RBFOX3: variants seen among roughly 807,000 people sequenced by gnomAD.
The protein encoded by RBFOX3 is RNA binding fox-1 homolog 3.
A neutral mutation model predicts 48.7 loss-of-function variants in RBFOX3; 17 were observed. The ratio of observed to expected loss-of-function variants is 0.35; its 90% CI spans 0.24 to 0.52. The LOEUF is 0.52. RBFOX3 is among the 20% of genes least tolerant of loss of function. The pLI is 0.94. For missense variants in RBFOX3, 382 were observed against 497.5 expected (o/e 0.77, Z 2.21); for synonymous variants, 212 against 209.5 (o/e 1.01, Z -0.10).
chr17:79,534,418 G>T (rs1339562261), intron 1 of RBFOX3, among the ~76,000 whole-genome samples: 1 of 152,190 alleles, frequency 6.6e-6, no homozygotes, highest in Non-Finnish European at 1.5e-5. Context: ...GGTGGGAGAG[G>T]TTAGAATCCG....
At chr17:79,120,321 G>A (rs2035349595) in intron 4 of RBFOX3, among the ~76,000 whole-genome samples, 1 of 152,124 alleles carries the variant, frequency 6.6e-6, no homozygotes. Context: ...TGTATGCATG[G>A]ATGGATGGAT....
intron 2 of RBFOX3, among the ~76,000 whole-genome samples, chr17:79,409,654 AG>A (rs1294428887): frequency 1.3e-5 from 2 of 152,244 alleles, no homozygotes; most frequent in Non-Finnish European, 2.9e-5. Context: ...CAAGAAGTGA[AG>A]TGCAGGGCCC....
intron 1 of RBFOX3, among the ~76,000 whole-genome samples, chr17:79,575,488 T>A (rs975026112): frequency 6.6e-6 from 1 of 152,098 alleles, no homozygotes; most frequent in Admixed American, 6.6e-5. Context: ...AGGTAGGAGC[T>A]CCATCTTCCA....
intron 2 of RBFOX3, among the ~76,000 whole-genome samples, chr17:79,388,074 G>T (rs2060825446): frequency 6.8e-6 from 1 of 147,616 alleles, no homozygotes. Context: ...CAGTGTGTGT[G>T]CCTACGTGTG....
At chr17:79,335,165 G>T (rs889620145) in intron 2 of RBFOX3, among the ~76,000 whole-genome samples, 2 of 147,450 alleles carry the variant, frequency 1.4e-5, no homozygotes, top group African/African-American at 5.0e-5. Context: ...GATGGGGCTG[G>T]CTGGCTCCAG....
intron 1 of RBFOX3, among the ~76,000 whole-genome samples, chr17:79,563,823 A>G (rs909858787): frequency 1.9e-4 from 29 of 152,310 alleles, no homozygotes; most frequent in African/African-American, 6.7e-4. Flanking sequence ...CCACCCACAG[A>G]GCTGGCATTT....
intron 4 of RBFOX3, among the ~76,000 whole-genome samples, chr17:79,146,588 TGCAAAGCAGCCA>T (rs2043083794): frequency 6.6e-6 from 1 of 152,218 alleles, no homozygotes; most frequent in Non-Finnish European, 1.5e-5. Context: ...CCCAGGTGTG[TGCAAAGCAGCCA>T]GACAAGCCTT....
chr17:79,348,968 G>A (rs539355683), intron 2 of RBFOX3, among the ~76,000 whole-genome samples: 2 of 151,794 alleles, frequency 1.3e-5, no homozygotes, highest in South Asian at 4.2e-4. Flanking sequence ...CATCCTTCAT[G>A]TGGGTAAACA....
At chr17:79,376,748 G>T (rs921853254) in intron 2 of RBFOX3, among the ~76,000 whole-genome samples, 1 of 152,160 alleles carries the variant, frequency 6.6e-6, no homozygotes, top group Non-Finnish European at 1.5e-5. Flanking sequence ...TTCAGCAGGT[G>T]GGGAGGCTCG....
intron 4 of RBFOX3, among the ~76,000 whole-genome samples, chr17:79,133,945 C>T (rs552538570): frequency 6.6e-6 from 1 of 152,336 alleles, no homozygotes; most frequent in Non-Finnish European, 1.5e-5. Flanking sequence ...GAGGCATCCT[C>T]GTTTCTGTTT....
the RBFOX3 span, among the ~76,000 whole-genome samples, chr17:79,620,761 CAT>C: frequency 2.6e-5 from 4 of 152,194 alleles, no homozygotes; most frequent in Non-Finnish European, 5.9e-5. Context: ...TGGAACCCCA[CAT>C]GATTCTCTGG....
chr17:79,140,369 T>G (rs1040708391), intron 4 of RBFOX3, among the ~76,000 whole-genome samples: 1 of 152,254 alleles, frequency 6.6e-6, no homozygotes, highest in African/African-American at 2.4e-5. Flanking sequence ...GGGTGAACCC[T>G]GTATGATGCC....
intron 2 of RBFOX3, among the ~76,000 whole-genome samples, chr17:79,441,444 A>G (rs554092720): frequency 1.3e-5 from 2 of 152,336 alleles, no homozygotes; most frequent in Admixed American, 1.3e-4. Context: ...GAGAGACAGG[A>G]GACACAGAGG....
the RBFOX3 span, among the ~76,000 whole-genome samples, chr17:79,620,088 CATGCACACATGTGTGCATGCACGCAT>C: frequency 8.9e-4 from 131 of 147,066 alleles, 1 homozygote; most frequent in Middle Eastern, 0.011. Context: ...CACACAAGCA[CATGCACACATGTGTGCATGCACGCAT>C]ATGCACACAT....
intron 4 of RBFOX3, among the ~76,000 whole-genome samples, chr17:79,178,494 C>T (rs1010243197): frequency 3.3e-5 from 5 of 152,278 alleles, no homozygotes; most frequent in Admixed American, 3.3e-4. Context: ...AATCTGGCTG[C>T]CTGGGCTGGA....
intron 6 of RBFOX3, among the ~76,000 whole-genome samples, chr17:79,106,278 C>T (rs1254237425): frequency 1.3e-5 from 2 of 152,156 alleles, no homozygotes; most frequent in African/African-American, 2.4e-5. Context: ...AATGTGGGAA[C>T]AGGGCGGTCA....
At chr17:79,329,757 G>A (rs534459518) in intron 2 of RBFOX3, among the ~76,000 whole-genome samples, 139 of 152,176 alleles carry the variant, frequency 9.1e-4, no homozygotes, top group African/African-American at 2.2e-3. Flanking sequence ...TTCACCCCTC[G>A]CTCTCCCAGG....
rs1382662078 is a variant in RBFOX3 at position 79,199,222 on chromosome 17, G to A, written c.-34+36544C>T. On this transcript the variant is annotated intron_variant, in intron 4 of 14. Transcript: ENST00000693108. This position sits in a 1 kb window ranked among gnomAD's most constrained non-coding sequence, Gnocchi z 5.1. Reference sequence around the variant, plus strand: ...ACTCTGCCTTCTGAGAATGTAAAGGGCCTTTCGAAAAGACCTCCCTAGCCC... The same window carrying A: ...ACTCTGCCTTCTGAGAATGTAAAGGACCTTTCGAAAAGACCTCCCTAGCCC... 6.6e-6 allele frequency among the ~76,000 whole-genome samples: 1 copy of A among 152,112 alleles called. No homozygotes were observed. The highest frequency in any genetic ancestry group is 1.5e-5 in the Non-Finnish European group (1 of 68,020).
chr17:79,650,183 T>C, the RBFOX3 span, among the ~76,000 whole-genome samples: 97,695 of 152,072 alleles, frequency 0.64, 36,358 homozygotes, highest in Non-Finnish European at 0.83. Context: ...GATGGTGAAT[T>C]ATCCCCAACT....
Sources: gnomAD v4.1 joint callset for allele counts (sites outside exome capture counted in the v4.1 genomes callset) on GRCh38, gnomAD v4.1.1 for gene constraint, Gnocchi (gnomAD v3.1) non-coding constraint, MANE v1.5 for transcripts, NCBI Gene and HGNC (gene_info 2026-07-23, HGNC 2026-07-21) for gene names.